Variants in CDH18 observed in about 807,000 individuals in gnomAD.
CDH18 encodes the protein cadherin-18.
A neutral mutation model predicts 67.9 loss-of-function variants in CDH18; 31 were observed. The ratio of observed to expected loss-of-function variants is 0.46; its 90% confidence interval spans 0.34 to 0.62. CDH18 has a LOEUF of 0.62. CDH18 is among the 20% of genes least tolerant of loss of function. CDH18 has a pLI of 0.01. For missense variants in CDH18, 890 were observed against 975.5 expected, an observed-to-expected ratio of 0.91 and a Z score of 1.17; for synonymous variants, 362 against 347.2, an observed-to-expected ratio of 1.04 and a Z score of -0.48.
intron 6 of CDH18, among the ~76,000 whole-genome samples, chr5:19,603,632 G>A (rs953322041): frequency 3.3e-5 from 5 of 151,602 alleles, no homozygotes; most frequent in African/African-American, 1.2e-4. Context: ...GGGAATTTAT[G>A]ATGAAAATCT....
chr5:20,107,276 G>A (rs893049786), intron 2 of CDH18, among the ~76,000 whole-genome samples: 2 of 151,928 alleles, frequency 1.3e-5, no homozygotes, highest in Non-Finnish European at 2.9e-5. Flanking sequence ...GGGTTTCACC[G>A]TGTTAGCCAG....
intron 6 of CDH18, among the ~76,000 whole-genome samples, chr5:19,610,049 C>A (rs1748692682): frequency 2.0e-5 from 3 of 152,050 alleles, no homozygotes. Context: ...GTTGCAAAAG[C>A]AGAATTGTTT....
At chr5:19,662,370 G>A (rs1757298906) in intron 5 of CDH18, among the ~76,000 whole-genome samples, 1 of 151,930 alleles carries the variant, frequency 6.6e-6, no homozygotes, top group South Asian at 2.1e-4. Flanking sequence ...TAAGAAACAA[G>A]AAAAATTGGG....
chr5:19,958,084 G>T (rs921018277), intron 2 of CDH18, among the ~76,000 whole-genome samples: 4 of 151,578 alleles, frequency 2.6e-5, no homozygotes, highest in South Asian at 4.2e-4. Context: ...ATGATGGCTG[G>T]CCCAGCCATT....
intron 3 of CDH18, among the ~76,000 whole-genome samples, chr5:19,780,621 C>T (rs569530221): frequency 6.6e-6 from 1 of 152,202 alleles, no homozygotes; most frequent in East Asian, 1.9e-4. Flanking sequence ...AACATCACAG[C>T]CTGGTTCATG....
At chr5:19,669,376 T>C (rs985834039) in intron 5 of CDH18, among the ~76,000 whole-genome samples, 1 of 151,294 alleles carries the variant, frequency 6.6e-6, no homozygotes, top group Non-Finnish European at 1.5e-5. Context: ...CACTACAACC[T>C]CCGCTTCCCA....
rs35601486 is a variant in CDH18 at position 19,947,585 on chromosome 5, CAAAAAAAAAAAAAAA to C, written c.-257+33460_-257+33474del. Among the ~76,000 whole-genome samples, 344 of 53,336 alleles carry C rather than the reference CAAAAAAAAAAAAAAA, an allele frequency of 6.4e-3. 3 individuals carry two copies. Among genetic ancestry groups the C allele is most frequent in the East Asian group, 0.016 (15 of 966 alleles). 35.0% of individuals were successfully genotyped at this position (53,336 alleles called of 152,430 possible). On this transcript the variant is annotated intron_variant, in intron 2 of 12. Transcript: ENST00000382275. The stretch of plus-strand genomic sequence containing the variant: ...GTGAAACTCCATCTCTACTAAAATA[CAAAAAAAAAAAAAAA>C]AAAAAAAAAAAAAAATAGCCAGGTG...
intron 1 of CDH18, among the ~76,000 whole-genome samples, chr5:20,485,274 T>G (rs545419944): frequency 1.8e-4 from 27 of 152,302 alleles, no homozygotes; most frequent in Admixed American, 1.8e-3. Flanking sequence ...GTTCTAAGAC[T>G]GACTAATGGC....
intron 8 of CDH18, among the ~76,000 whole-genome samples, chr5:19,549,596 C>T (rs971978029): frequency 4.0e-5 from 5 of 125,668 alleles, no homozygotes; most frequent in Admixed American, 1.9e-4. Flanking sequence ...TAGTTTACTT[C>T]GGGAAAAGAA....
At chr5:19,579,743 T>C (rs1033173161) in intron 7 of CDH18, among the ~76,000 whole-genome samples, 3 of 151,812 alleles carry the variant, frequency 2.0e-5, no homozygotes, top group African/African-American at 4.8e-5. Flanking sequence ...AGAGGTATTG[T>C]TTCTACAGTT....
intron 5 of CDH18, among the ~76,000 whole-genome samples, chr5:19,620,454 C>T (rs1357531308): frequency 6.6e-6 from 1 of 152,126 alleles, no homozygotes; most frequent in Non-Finnish European, 1.5e-5. Context: ...GTGGCATTAG[C>T]TCAAGGAATT....
chr5:20,327,132 T>A (rs1738673582), intron 1 of CDH18, among the ~76,000 whole-genome samples: 1 of 152,170 alleles, frequency 6.6e-6, no homozygotes. Flanking sequence ...TAAAGATAGA[T>A]CATATTAAAC....
intron 1 of CDH18, among the ~76,000 whole-genome samples, chr5:20,501,564 T>C (rs1364518182): frequency 4.1e-5 from 1 of 24,490 alleles, no homozygotes; most frequent in African/African-American, 1.3e-4. Context: ...ATAATATATA[T>C]ATATAATATA....
intron 2 of CDH18, among the ~76,000 whole-genome samples, chr5:20,213,034 C>T (rs7719839): frequency 0.7 from 105,834 of 152,028 alleles, 37,477 homozygotes; most frequent in African/African-American, 0.84. Flanking sequence ...TCAGCCTATC[C>T]CAGCTTTCAA....
chr5:19,703,175 G>A (rs753363750), intron 5 of CDH18, among the ~76,000 whole-genome samples: 1 of 152,094 alleles, frequency 6.6e-6, no homozygotes, highest in Admixed American at 6.6e-5. Flanking sequence ...GGGTCTCCAC[G>A]ACTGAGCTGG....
chr5:19,749,828 T>A (rs1295044431), intron 3 of CDH18, among the ~76,000 whole-genome samples: 3 of 148,890 alleles, frequency 2.0e-5, no homozygotes, highest in African/African-American at 7.3e-5. Context: ...CTTTTTATAA[T>A]TAATAAACAG....
chr5:20,294,546 G>A (rs1264006491), intron 1 of CDH18, among the ~76,000 whole-genome samples: 6 of 152,140 alleles, frequency 3.9e-5, no homozygotes, highest in East Asian at 1.9e-4. Flanking sequence ...AGGACATATC[G>A]CAGTAATGAG....
At chr5:19,539,942 C>T (rs1749987531) in intron 9 of CDH18, among the ~76,000 whole-genome samples, 1 of 152,074 alleles carries the variant, frequency 6.6e-6, no homozygotes, top group African/African-American at 2.4e-5. Flanking sequence ...CATTTCAAAA[C>T]CAATCATGTC....
intron 5 of CDH18, among the ~76,000 whole-genome samples, chr5:19,639,524 C>G (rs4242064): frequency 1 from 152,060 of 152,282 alleles, 75,919 homozygotes; most frequent in Non-Finnish European, 1. Flanking sequence ...AACTGATGCT[C>G]CATCACTATG....
Sources: allele counts gnomAD v4.1 joint callset (sites outside exome capture counted in the v4.1 genomes callset), GRCh38; gene constraint gnomAD v4.1.1; transcripts MANE v1.5; gene names NCBI Gene and HGNC (gene_info 2026-07-23, HGNC 2026-07-21).